Variants in TMEM132C observed in about 807,000 individuals in gnomAD.
TMEM132C encodes the protein protein phosphatase 1, regulatory subunit 152.
A neutral mutation model predicts 61.4 loss-of-function variants in TMEM132C; 29 were observed. The ratio of observed to expected loss-of-function variants is 0.47; its 90% CI spans 0.35 to 0.64. The LOEUF is 0.64. Among genes scored for constraint, TMEM132C ranks in the 30% least tolerant of loss-of-function variants. The pLI is 0.00. For synonymous variants in TMEM132C, 656 were observed against 633.1 expected (o/e 1.04, Z -0.54); for missense variants, 1,408 against 1,476.9 (o/e 0.95, Z 0.76).
At chr12:128,317,869 T>G (rs1329965280) in intron 1 of TMEM132C, among the ~76,000 whole-genome samples, 1 of 152,206 alleles carries the variant, frequency 6.6e-6, no homozygotes, top group Non-Finnish European at 1.5e-5. Context: ...CTGTACTCCA[T>G]CCTGGGTGAT....
intron 1 of TMEM132C, among the ~76,000 whole-genome samples, chr12:128,335,042 C>T (rs1872759888): frequency 6.6e-6 from 1 of 152,158 alleles, no homozygotes; most frequent in Non-Finnish European, 1.5e-5. Context: ...GAGAGTCTTA[C>T]ATGTATCATA....
Position 128,340,928 on chromosome 12 carries a change from C to T in TMEM132C, c.85+73441C>T, listed in dbSNP as rs12312908. On this transcript the variant is annotated intron_variant, in intron 1 of 8. Transcript: ENST00000435159. ...TTTCTCTCTCTCTTTCTCTCTCTCT[C>T]TCTCTCTCTCTCTCTCTTTCTTTCT... Among the ~76,000 whole-genome samples the T allele has an allele frequency of 4.9e-3, 647 of 133,122 alleles. 1 individual carries two copies. The highest frequency in any genetic ancestry group is 0.02 in the African/African-American group (618 of 30,812). 87.3% of individuals were successfully genotyped at this position (133,122 alleles called of 152,430 possible).
At chr12:128,549,761 C>A (rs79331112) in intron 3 of TMEM132C, among the ~76,000 whole-genome samples, 1 of 152,194 alleles carries the variant, frequency 6.6e-6, no homozygotes, top group South Asian at 2.1e-4. Flanking sequence ...GTGTGCCTCG[C>A]GCTCTCCAAA....
intron 1 of TMEM132C, among the ~76,000 whole-genome samples, chr12:128,338,778 T>A (rs891011273): frequency 7.7e-6 from 1 of 129,432 alleles, no homozygotes; most frequent in Admixed American, 7.2e-5. Context: ...ATATATATAT[T>A]TTGCACAAAG....
At chr12:128,356,996 C>T (rs970883091) in intron 1 of TMEM132C, among the ~76,000 whole-genome samples, 1 of 152,306 alleles carries the variant, frequency 6.6e-6, no homozygotes, top group African/African-American at 2.4e-5. Flanking sequence ...CTCTCACACA[C>T]ATACACACAC....
intron 2 of TMEM132C, among the ~76,000 whole-genome samples, chr12:128,528,903 C>A (rs1873185311): frequency 6.6e-6 from 1 of 152,122 alleles, no homozygotes; most frequent in Admixed American, 6.6e-5. Context: ...GACAGATTTC[C>A]CTGCTCAGGA....
chr12:128,497,915 C>T (rs962449652), intron 2 of TMEM132C, among the ~76,000 whole-genome samples: 12 of 152,118 alleles, frequency 7.9e-5, no homozygotes, highest in East Asian at 1.9e-4. Flanking sequence ...TCTTCTGCAT[C>T]GCTCATGCTG....
intron 8 of TMEM132C, among the ~76,000 whole-genome samples, chr12:128,697,725 C>T (rs577404015): frequency 7.9e-5 from 12 of 152,318 alleles, no homozygotes; most frequent in African/African-American, 2.6e-4. Flanking sequence ...TTAAAATGCT[C>T]CAATGACTTC....
Position 128,609,355 on chromosome 12 carries a change from C to G in TMEM132C, c.1122-6797C>G, listed in dbSNP as rs148421185. ...CCAGGCTCAAGGGATCCTCCCACCTCAGCCTCCCAAGTAGCTGGCACCACA... is the reference window on the plus strand; with the variant it reads ...CCAGGCTCAAGGGATCCTCCCACCTGAGCCTCCCAAGTAGCTGGCACCACA... On this transcript the variant is annotated intron_variant, in intron 3 of 8. Coordinates refer to ENST00000435159, the MANE Select transcript of TMEM132C (RefSeq NM_001136103.3). Among the ~76,000 whole-genome samples the G allele has an allele frequency of 2.2e-3, 329 of 151,334 alleles. 1 individual carries two copies. The highest frequency in any genetic ancestry group is 7.3e-3 in the African/African-American group (298 of 41,046).
intron 1 of TMEM132C, among the ~76,000 whole-genome samples, chr12:128,406,720 C>A (rs1875359868): frequency 6.6e-6 from 1 of 152,140 alleles, no homozygotes; most frequent in Non-Finnish European, 1.5e-5. Context: ...TAAGATATAA[C>A]CCTACTTGCA....
chr12:128,478,369 T>C (rs940403500), intron 2 of TMEM132C, among the ~76,000 whole-genome samples: 3 of 152,204 alleles, frequency 2.0e-5, no homozygotes, highest in African/African-American at 4.8e-5. Flanking sequence ...TAGCAAAGGC[T>C]CACTTCCACC....
intron 1 of TMEM132C, among the ~76,000 whole-genome samples, chr12:128,378,809 G>A (rs958492404): frequency 6.6e-6 from 1 of 152,138 alleles, no homozygotes; most frequent in East Asian, 1.9e-4. Context: ...ATAATCCCAC[G>A]TATCGTGGGA....
intron 2 of TMEM132C, among the ~76,000 whole-genome samples, chr12:128,467,034 G>T (rs937984230): frequency 6.6e-6 from 1 of 152,174 alleles, no homozygotes; most frequent in Non-Finnish European, 1.5e-5. Flanking sequence ...GCTTTCAGGT[G>T]AAGGTCAGAA....
At chr12:128,648,762 G>C (rs1306096598) in intron 4 of TMEM132C, among the ~76,000 whole-genome samples, 3 of 151,852 alleles carry the variant, frequency 2.0e-5, no homozygotes, top group African/African-American at 4.8e-5. Context: ...CGTTGGATGT[G>C]AGTGTGTTTA....
chr12:128,357,956 C>CA (rs1461132548), intron 1 of TMEM132C, among the ~76,000 whole-genome samples: 1 of 152,092 alleles, frequency 6.6e-6, no homozygotes, highest in Non-Finnish European at 1.5e-5. Context: ...CACACGGCCC[C>CA]ACCCTGCTCA....
At chr12:128,506,801 G>A (rs1872378699) in intron 2 of TMEM132C, among the ~76,000 whole-genome samples, 1 of 152,154 alleles carries the variant, frequency 6.6e-6, no homozygotes, top group Non-Finnish European at 1.5e-5. Flanking sequence ...CATCTCCATT[G>A]GCCACAGTGT....
At chr12:128,291,845 A>G (rs572653720) in intron 1 of TMEM132C, among the ~76,000 whole-genome samples, 1 of 152,328 alleles carries the variant, frequency 6.6e-6, no homozygotes, top group South Asian at 2.1e-4. Flanking sequence ...GGGGAAAGCC[A>G]CAGTGCTTTT....
chr12:128,506,265 A>G (rs1044614884), intron 2 of TMEM132C, among the ~76,000 whole-genome samples: 2 of 152,208 alleles, frequency 1.3e-5, no homozygotes, highest in African/African-American at 4.8e-5. Flanking sequence ...TCTGCATTAC[A>G]TGGGTCTCCT....
chr12:128,678,842 C>T (rs771462905), intron 5 of TMEM132C, among the ~76,000 whole-genome samples: 5 of 152,152 alleles, frequency 3.3e-5, no homozygotes, highest in East Asian at 1.9e-4. Flanking sequence ...CGCCCTAGGC[C>T]GAGCAGACAC....
Sources: gnomAD v4.1 joint callset for allele counts (sites outside exome capture counted in the v4.1 genomes callset) on GRCh38, gnomAD v4.1.1 for gene constraint, MANE v1.5 for transcripts, NCBI Gene and HGNC (gene_info 2026-07-23, HGNC 2026-07-21) for gene names.